Variants in GATA6 observed in about 807,000 individuals in gnomAD.
GATA6 encodes the protein GATA binding protein 6.
Under a neutral mutation model 48.1 loss-of-function variants are expected in GATA6, and 11 were observed. That is an observed-to-expected ratio of 0.23 (90% CI 0.14 to 0.38). The LOEUF is 0.38. GATA6 is among the 10% of genes least tolerant of loss of function. GATA6 has a pLI of 1.00. For missense variants in GATA6, 795 were observed against 850.3 expected (o/e 0.93, Z 0.81); for synonymous variants, 419 against 396.1 (o/e 1.06, Z -0.69).
chr18:22,177,952 GTTTTTTTTTTTTTT>G (rs775374335), intron 3 of GATA6, among the ~76,000 whole-genome samples: 10 of 80,458 alleles, frequency 1.2e-4, no homozygotes, highest in Admixed American at 1.2e-3. Flanking sequence ...CTGTTTTTTT[GTTTTTTTTTTTTTT>G]TTTTTTTTTT....
intron 3 of GATA6, among the ~76,000 whole-genome samples, chr18:22,180,955 G>A (rs1183879819): frequency 1.3e-5 from 2 of 152,008 alleles, no homozygotes; most frequent in Non-Finnish European, 2.9e-5. Context: ...GGGGGTGGGC[G>A]GCAGGGAGGT....
intron 3 of GATA6, among the ~76,000 whole-genome samples, chr18:22,177,475 CTATA>C (rs1467518412): frequency 6.6e-6 from 1 of 152,150 alleles, no homozygotes; most frequent in African/African-American, 2.4e-5. Flanking sequence ...AAAAAATAAT[CTATA>C]TATCTCTAGG....
chr18:22,172,647 C>T lies in GATA6; in HGVS notation c.1135+368C>T, dbSNP rs190874127. ...AACAGCGCTTGAGCCCCATCGCAGA[C>T]CCTACTTTGGGTGAGTGGAAGAAAT... is the stretch of plus-strand genomic sequence containing the variant. On this transcript the variant is annotated intron_variant, in intron 2 of 6. Coordinates refer to ENST00000269216, the MANE Select transcript of GATA6 (RefSeq NM_005257.6). The surrounding 1 kb of genome is among the most constrained non-coding windows in gnomAD (Gnocchi z 5.2). Among the ~76,000 whole-genome samples the T allele has an allele frequency of 2.1e-3, 315 of 152,304 alleles. No individual in the cohort carries two copies. Among genetic ancestry groups the T allele is most frequent in the Non-Finnish European group, 3.4e-3 (232 of 68,034 alleles).
chr18:22,172,023 G>A lies in GATA6; in HGVS notation c.879G>A (p.Val293=), dbSNP rs1311556193. Residue 293 remains valine (V), a synonymous_variant, in exon 2 of 7, where the codon GTG becomes GTA. Transcript: ENST00000269216. This position sits in a 1 kb window ranked among gnomAD's most constrained non-coding sequence, Gnocchi z 5.2. ...AAAGSGGAGG[V]SGGGSSLAAM... is the part of the protein sequence containing the mutation. ...CGGGCAGTGGGGGCGCGGGAGGCGT[G>A]AGCGGCGGCGGCAGTAGCCTGGCGG... is the stretch of plus-strand genomic sequence containing the variant. The A allele has an allele frequency of 7.2e-6, 9 of 1,248,432 alleles. No homozygotes were observed. The South Asian group carries it at 2.2e-4, about 30-fold the overall frequency. The allele number at this position is 1,248,432 out of a possible 1,614,324, so 77.3% of individuals were successfully genotyped here.
intron 6 of GATA6, among the ~76,000 whole-genome samples, chr18:22,193,563 C>T (rs1041865570): frequency 3.9e-5 from 6 of 152,164 alleles, no homozygotes; most frequent in African/African-American, 1.4e-4. Flanking sequence ...CAAGAAAAAG[C>T]CGTAAGCACA....
intron 6 of GATA6, among the ~76,000 whole-genome samples, chr18:22,199,205 C>T (rs754927237): frequency 5.3e-5 from 8 of 152,098 alleles, no homozygotes; most frequent in Middle Eastern, 3.2e-3. Context: ...CGTGGAGGCT[C>T]GGCACACTTC....
intron 3 of GATA6, 124 bp from the exon 4 acceptor site, chr18:22,181,329 A>G: frequency 8.2e-7 from 1 of 1,215,594 alleles, no homozygotes; most frequent in Non-Finnish European, 1.2e-6. Flanking sequence ...CTCAAGGACC[A>G]TTTCATTTAT....
At chr18:22,180,140 GTGTCATTCTT>G (rs1437593295) in intron 3 of GATA6, 2 of 151,746 alleles carry the variant, frequency 1.3e-5, no homozygotes, top group Non-Finnish European at 2.9e-5. Context: ...ACGAATTTGG[GTGTCATTCTT>G]GCGCTGGGGC....
At chr18:22,200,093 T>C (rs2033438310) in intron 6 of GATA6, among the ~76,000 whole-genome samples, 1 of 152,110 alleles carries the variant, frequency 6.6e-6, no homozygotes, top group Non-Finnish European at 1.5e-5. Context: ...GTTCAAAAAT[T>C]TCACTGATCA....
chr18:22,182,231 T>G (rs780941575), intron 4 of GATA6, among the ~76,000 whole-genome samples: 1 of 152,220 alleles, frequency 6.6e-6, no homozygotes, highest in African/African-American at 2.4e-5. Context: ...TAAATTCTCC[T>G]TGGCAAATCA....
At chr18:22,188,664 A>C (rs182960378) in intron 6 of GATA6, among the ~76,000 whole-genome samples, 2 of 152,338 alleles carry the variant, frequency 1.3e-5, no homozygotes, top group Admixed American at 1.3e-4. Context: ...GGAGTCCAAC[A>C]ATTAGGACCT....
rs114044564 is a variant in GATA6, at chr18:22,192,046, A to G, written c.1621-8610A>G. On this transcript the variant is annotated intron_variant, in intron 6 of 6. Transcript: ENST00000269216. ...GTATTTTACATTTAAAGCTCTCATTAAATTTAGTTGCTTGATTCGTGGTGA... is the reference window on the plus strand; with the variant it reads ...GTATTTTACATTTAAAGCTCTCATTGAATTTAGTTGCTTGATTCGTGGTGA... Among the ~76,000 whole-genome samples the G allele has an allele frequency of 3.3e-3, 508 of 152,310 alleles. 4 individuals are homozygous for G. Among genetic ancestry groups the G allele is most frequent in the African/African-American group, 0.012 (494 of 41,578 alleles).
chr18:22,171,295 G>C lies in GATA6; in HGVS notation c.151G>C (p.Glu51Gln), dbSNP rs770662152. 6.3e-7 allele frequency: 1 copy of C among 1,593,216 alleles called. No homozygotes were observed. Among genetic ancestry groups the C allele is most frequent in the South Asian group, 1.1e-5 (1 of 90,720 alleles). Residue 51 changes from glutamate to glutamine, a missense_variant, in exon 2 of 7, where the codon GAG becomes CAG. By Grantham distance (29) the Glu-to-Gln change is conservative (BLOSUM62 2). Coordinates refer to ENST00000269216, the MANE Select transcript of GATA6 (RefSeq NM_005257.6). The surrounding 1 kb of genome is among the most constrained non-coding windows in gnomAD (Gnocchi z 7.1). ...GTCCTCCTCCTGCTCCCGGGGCGGA[G>C]AGCGGGGCCCCGGCGGCGCCAGCAA... ...SSSSSCSRGG[E>Q]RGPGGASNCG...
chr18:22,177,952 G>GTTTTTTTTTTTTTTT (rs775374335), intron 3 of GATA6, among the ~76,000 whole-genome samples: 3 of 80,458 alleles, frequency 3.7e-5, no homozygotes, highest in African/African-American at 4.9e-5. Flanking sequence ...CTGTTTTTTT[G>GTTTTTTTTTTTTTTT]TTTTTTTTTT....
chr18:22,194,820 G>A (rs2033370878), intron 6 of GATA6, among the ~76,000 whole-genome samples: 1 of 151,858 alleles, frequency 6.6e-6, no homozygotes, highest in African/African-American at 2.4e-5. Context: ...ACAAAGCCAG[G>A]CTTCTTAAGA....
In GATA6 at chr18:22,194,828, A is replaced by G. The variant is rs1452675470; in HGVS notation, c.1621-5828A>G. 2.6e-5 allele frequency among the ~76,000 whole-genome samples: 4 copies of G among 152,096 alleles called. No individual in the cohort carries two copies. The East Asian group carries it at 5.8e-4, about 22-fold the overall frequency. The stretch of plus-strand genomic sequence containing the variant: ...TAACAGGACAAAGCCAGGCTTCTTA[A>G]GAAGAGTAGCTGTGCCAACTCTGAA... On this transcript the variant is annotated intron_variant, in intron 6 of 6. Transcript: ENST00000269216.
rs987266757 is a variant in GATA6, at chr18:22,172,282, A to G, written c.1135+3A>G. ...GGTGCCCCGGGGTCCCAGTGCAGGT[A>G]AGGGTCGCGCCTCAGGTTCGGGGTG... On this transcript the variant is annotated splice_donor_region_variant and intron_variant, in intron 2 of 6. Transcript: ENST00000269216. This position sits in a 1 kb window ranked among gnomAD's most constrained non-coding sequence, Gnocchi z 5.2. 1 of 1,531,902 alleles carries G rather than the reference A, an allele frequency of 6.5e-7. No individual in the cohort carries two copies. The allele number at this position is 1,531,902 out of a possible 1,614,324, so 94.9% of individuals were successfully genotyped here.
In GATA6 at chr18:22,170,849, C is replaced by T. The variant is rs115825500; in HGVS notation, c.-37-259C>T. ...GGGTGGGCGGGGAGGACGCGGGGACCGGAGCGGTGCCTTTGAGGGAGGGCT... is the reference window on the plus strand; with the variant it reads ...GGGTGGGCGGGGAGGACGCGGGGACTGGAGCGGTGCCTTTGAGGGAGGGCT... On this transcript the variant is annotated intron_variant, in intron 1 of 6. Transcript: ENST00000269216. The surrounding 1 kb of genome is among the most constrained non-coding windows in gnomAD (Gnocchi z 6.7). 5.4e-3 allele frequency: 2,731 copies of T among 502,912 alleles called. 17 individuals are homozygous for T. Among genetic ancestry groups the T allele is most frequent in the African/African-American group, 0.028 (1,438 of 51,014 alleles). 31.2% of individuals were successfully genotyped at this position (502,912 alleles called of 1,614,324 possible).
chr18:22,188,054 T>C (rs771966868), intron 6 of GATA6, among the ~76,000 whole-genome samples: 2 of 151,662 alleles, frequency 1.3e-5, no homozygotes, highest in Non-Finnish European at 2.9e-5. Context: ...CTGGGCAACA[T>C]AGCAAGATTT....
Sources: gnomAD v4.1 joint callset for allele counts (sites outside exome capture counted in the v4.1 genomes callset) on GRCh38, gnomAD v4.1.1 for gene constraint, Gnocchi (gnomAD v3.1) non-coding constraint, MANE v1.5 for transcripts, NCBI Gene and HGNC (gene_info 2026-07-23, HGNC 2026-07-21) for gene names.